TEAD1: variants seen among roughly 807,000 people sequenced by gnomAD.
TEAD1 encodes TEA domain transcription factor 1.
A neutral mutation model predicts 54.9 loss-of-function variants in TEAD1; 9 were observed. The ratio of observed to expected loss-of-function variants is 0.16; its 90% CI spans 0.10 to 0.29. TEAD1 has a LOEUF of 0.29. TEAD1 is among the 10% of genes least tolerant of loss of function. TEAD1 has a pLI of 1.00. For missense variants in TEAD1, 387 were observed against 535.9 expected, an observed-to-expected ratio of 0.72 and a Z score of 2.74; for synonymous variants, 200 against 187.8, an observed-to-expected ratio of 1.07 and a Z score of -0.53.
At chr11:12,676,668 C>T (rs1356457711) in intron 2 of TEAD1, among the ~76,000 whole-genome samples, 1 of 152,076 alleles carries the variant, frequency 6.6e-6, no homozygotes, top group African/African-American at 2.4e-5. Flanking sequence ...ATTCGTTGAA[C>T]CTTTTGTCAG....
At chr11:12,767,429 T>G (rs1259160415) in intron 3 of TEAD1, among the ~76,000 whole-genome samples, 6 of 152,240 alleles carry the variant, frequency 3.9e-5, no homozygotes, top group Non-Finnish European at 7.3e-5. Context: ...GTTTTTTACT[T>G]GAAAGGGTTA....
chr11:12,930,367 A>T lies in TEAD1; in HGVS notation c.1167+41A>T, dbSNP rs971789531. On this transcript the variant is annotated intron_variant, in intron 12 of 12. Transcript: ENST00000527636. ...CTTTCCTCTGTGGGCAGATGCTGCC[A>T]TGAGGCTTGACAGAAGTGAGGAAGG... is the stretch of plus-strand genomic sequence containing the variant. The T allele has an allele frequency of 6.8e-6, 11 of 1,612,712 alleles. No individual in the cohort carries two copies. In the African/African-American group the frequency reaches 1.1e-4, roughly 16 times the overall value.
At chr11:12,895,248 C>G (rs1331709792) in intron 9 of TEAD1, among the ~76,000 whole-genome samples, 1 of 152,032 alleles carries the variant, frequency 6.6e-6, no homozygotes, top group Non-Finnish European at 1.5e-5. Flanking sequence ...GGTTGACTTT[C>G]GAGGGTTGCA....
At chr11:12,842,090 A>T (rs1947053090) in intron 3 of TEAD1, among the ~76,000 whole-genome samples, 1 of 151,866 alleles carries the variant, frequency 6.6e-6, no homozygotes, top group East Asian at 1.9e-4. Flanking sequence ...ACAAAACAAA[A>T]CAGGCAAATG....
chr11:12,895,441 C>G (rs1948294252), intron 9 of TEAD1, among the ~76,000 whole-genome samples: 1 of 152,106 alleles, frequency 6.6e-6, no homozygotes, highest in African/African-American at 2.4e-5. Context: ...TTTGGTGAAC[C>G]CTACCTGCAG....
At chr11:12,895,955 C>T (rs956156110) in intron 9 of TEAD1, among the ~76,000 whole-genome samples, 1 of 137,000 alleles carries the variant, frequency 7.3e-6, no homozygotes, top group Non-Finnish European at 1.5e-5. Context: ...TCCTTTCAGT[C>T]CCCCTATGTG....
At chr11:12,739,330 C>T (rs541307023) in intron 2 of TEAD1, among the ~76,000 whole-genome samples, 1 of 152,214 alleles carries the variant, frequency 6.6e-6, no homozygotes, top group South Asian at 2.1e-4. Flanking sequence ...TTTAAGTGTA[C>T]AGTTTAGTGG....
At chr11:12,689,415 G>A (rs1452912435) in intron 2 of TEAD1, among the ~76,000 whole-genome samples, 1 of 152,202 alleles carries the variant, frequency 6.6e-6, no homozygotes, top group Non-Finnish European at 1.5e-5. Flanking sequence ...TTGACCTTGG[G>A]CAACCTCTTT....
chr11:12,697,520 C>G (rs1943611121), intron 2 of TEAD1, among the ~76,000 whole-genome samples: 1 of 152,172 alleles, frequency 6.6e-6, no homozygotes, highest in Non-Finnish European at 1.5e-5. Flanking sequence ...AAAACCCCTA[C>G]AAGTACATTA....
intron 3 of TEAD1, among the ~76,000 whole-genome samples, chr11:12,838,121 T>C (rs1215255873): frequency 6.6e-6 from 1 of 152,082 alleles, no homozygotes; most frequent in Non-Finnish European, 1.5e-5. Context: ...TTGAAGACAA[T>C]ACTGTCACTT....
chr11:12,777,573 A>G (rs1463480475), intron 3 of TEAD1, among the ~76,000 whole-genome samples: 1 of 152,240 alleles, frequency 6.6e-6, no homozygotes, highest in Admixed American at 6.5e-5. Flanking sequence ...ATTTGTACCT[A>G]TAAAGTAGCC....
At chr11:12,920,842 CAT>C (rs1177814641) in intron 10 of TEAD1, among the ~76,000 whole-genome samples, 1 of 152,200 alleles carries the variant, frequency 6.6e-6, no homozygotes, top group African/African-American at 2.4e-5. Context: ...TGGGAAGCAT[CAT>C]AGATATTCAT....
At chr11:12,793,651 C>T (rs1488984895) in intron 3 of TEAD1, among the ~76,000 whole-genome samples, 2 of 152,176 alleles carry the variant, frequency 1.3e-5, no homozygotes, top group African/African-American at 4.8e-5. Context: ...ATTCAAAAAA[C>T]CCACCGTTTT....
At chr11:12,743,298 T>C (rs1395563948) in intron 2 of TEAD1, among the ~76,000 whole-genome samples, 1 of 152,222 alleles carries the variant, frequency 6.6e-6, no homozygotes, top group African/African-American at 2.4e-5. Context: ...CTTTTATTAA[T>C]ATTACAGGTA....
At chr11:12,888,910 C>G (rs1209719620) in intron 9 of TEAD1, among the ~76,000 whole-genome samples, 3 of 152,024 alleles carry the variant, frequency 2.0e-5, no homozygotes, top group South Asian at 4.1e-4. Context: ...AGCCCAGGGC[C>G]GTAAGGAGCT....
At chr11:12,885,158 C>G (rs911285351) in intron 9 of TEAD1, among the ~76,000 whole-genome samples, 1 of 151,818 alleles carries the variant, frequency 6.6e-6, no homozygotes. Flanking sequence ...AACAGGAGCC[C>G]AAATCTTGTA....
intron 3 of TEAD1, among the ~76,000 whole-genome samples, chr11:12,850,283 A>G (rs1947247850): frequency 6.6e-6 from 1 of 152,108 alleles, no homozygotes; most frequent in Admixed American, 6.5e-5. Flanking sequence ...TAAATAACAA[A>G]CAATTAGCCT....
At chr11:12,791,555 T>G (rs1248945303) in intron 3 of TEAD1, among the ~76,000 whole-genome samples, 8 of 152,134 alleles carry the variant, frequency 5.3e-5, no homozygotes, top group Non-Finnish European at 2.9e-5. Flanking sequence ...CAGTAGGCTT[T>G]TTTTCCTGGC....
At position 12,850,845 on chromosome 11, in the gene TEAD1, A is replaced by G. The variant is rs1287414598; in HGVS notation, c.203-11405A>G. Among the ~76,000 whole-genome samples the G allele has an allele frequency of 2.0e-5, 3 of 152,184 alleles. No homozygotes were observed. In the South Asian group the frequency reaches 6.2e-4, roughly 31 times the overall value. ...TGTTAAGATTAGCTTTTTTTGGACC[A>G]GGTCTCTATGGCTGTGGCTTGGGGA... On this transcript the variant is annotated intron_variant, in intron 3 of 12. Coordinates refer to ENST00000527636, the MANE Select transcript of TEAD1 (RefSeq NM_021961.6).
Sources: allele counts gnomAD v4.1 joint callset (sites outside exome capture counted in the v4.1 genomes callset), GRCh38; gene constraint gnomAD v4.1.1; transcripts MANE v1.5; gene names NCBI Gene and HGNC (gene_info 2026-07-23, HGNC 2026-07-21).